Variants in UPF2 observed in about 807,000 individuals in gnomAD.
UPF2 encodes regulator of nonsense transcripts 2.
UPF2 carries 17 observed loss-of-function variants against 141.4 expected under a neutral mutation model. The observed-to-expected ratio is 0.12, with a 90% CI of 0.08 to 0.18. The LOEUF is 0.18. UPF2 is among the 10% of genes least tolerant of loss of function. UPF2 has a pLI of 1.00. For missense variants in UPF2, 1,152 were observed against 1,515.9 expected (o/e 0.76, Z 3.99); for synonymous variants, 540 against 498.0 (o/e 1.08, Z -1.12).
At chr10:12,034,320 TTA>T (rs1834579774) in intron 2 of UPF2, among the ~76,000 whole-genome samples, 1 of 151,338 alleles carries the variant, frequency 6.6e-6, no homozygotes, top group Non-Finnish European at 1.5e-5. Flanking sequence ...TTTTATTTTA[TTA>T]TTTTATTTTT....
chr10:11,983,692 T>C (rs111629510), intron 8 of UPF2, among the ~76,000 whole-genome samples: 5 of 152,216 alleles, frequency 3.3e-5, no homozygotes, highest in African/African-American at 9.6e-5. Flanking sequence ...ATTTTTAATA[T>C]ACTATGTATT....
At chr10:11,967,844 C>T (rs890281520) in intron 9 of UPF2, among the ~76,000 whole-genome samples, 2 of 152,064 alleles carry the variant, frequency 1.3e-5, no homozygotes, top group Admixed American at 6.6e-5. Flanking sequence ...CGTGAGCCAC[C>T]GTGCCCAGCC....
intron 9 of UPF2, among the ~76,000 whole-genome samples, chr10:11,970,851 C>A (rs959700659): frequency 6.6e-6 from 1 of 151,678 alleles, no homozygotes; most frequent in African/African-American, 2.4e-5. Flanking sequence ...AAACTATATA[C>A]TAAAACTAAG....
chr10:12,004,405 T>G (rs914971435), intron 5 of UPF2, 125 bp downstream of exon 5: 5 of 704,800 alleles, frequency 7.1e-6, no homozygotes, highest in Non-Finnish European at 6.8e-6. Context: ...ACTCATTTAC[T>G]CTAATGACTC....
intron 4 of UPF2, among the ~76,000 whole-genome samples, chr10:12,012,681 C>T (rs575379005): frequency 2.2e-3 from 338 of 151,988 alleles, no homozygotes; most frequent in Non-Finnish European, 4.0e-3. Context: ...TGCCTGTAGT[C>T]CCAGCTATTC....
intron 16 of UPF2, among the ~76,000 whole-genome samples, chr10:11,946,361 A>G (rs544043327): frequency 1.3e-5 from 2 of 152,320 alleles, no homozygotes; most frequent in South Asian, 4.1e-4. Context: ...ATTCTAAATA[A>G]AGCTTTTTAA....
chr10:12,027,851 G>C (rs1390903747), intron 3 of UPF2, among the ~76,000 whole-genome samples: 1 of 152,082 alleles, frequency 6.6e-6, no homozygotes, highest in Non-Finnish European at 1.5e-5. Flanking sequence ...AACTAGAAAA[G>C]GATCTCCTCC....
At chr10:11,948,603 G>A in intron 15 of UPF2, 95 bp from the exon 16 acceptor site, 1 of 1,313,920 alleles carries the variant, frequency 7.6e-7, no homozygotes, top group East Asian at 2.4e-5. Flanking sequence ...TATGCATTAA[G>A]AATTCAACAG....
Position 11,955,354 on chromosome 10 carries a change from G to C in UPF2, c.2728C>G (p.Leu910Val). 1 of 1,614,140 alleles carries C rather than the reference G, an allele frequency of 6.2e-7. No individual in the cohort carries two copies. Among genetic ancestry groups the C allele is most frequent in the Non-Finnish European group, 8.5e-7 (1 of 1,180,018 alleles). The change falls in exon 14 of 22, where the codon CTG becomes GTG. Residue 910 changes from leucine to valine, a missense_variant. Leu to Val is a conservative substitution (Grantham distance 32). Coordinates refer to ENST00000357604, the MANE Select transcript of UPF2 (RefSeq NM_015542.4). Reference sequence around the variant, plus strand: ...CTGAAAAGATGCTCAGGTGGGTCCAGGGAACTTGGAGAGCCATCAGGATTA... The same window carrying C: ...CTGAAAAGATGCTCAGGTGGGTCCACGGAACTTGGAGAGCCATCAGGATTA... Reference protein sequence around the residue: ...GVNPDGSPSSLDPPEHLFRIR... With the variant: ...GVNPDGSPSSVDPPEHLFRIR...
In UPF2 at chr10:11,955,406, A is replaced by G. The variant is rs764535001; in HGVS notation, c.2676T>C (p.Thr892=). The change falls in exon 14 of 22, where the codon ACT becomes ACC. Residue 892 remains threonine, a synonymous_variant. Coordinates refer to ENST00000357604, the MANE Select transcript of UPF2 (RefSeq NM_015542.4). ...RMVESAVIFR[T]LYSFTSFGVN... ...CACCAAATGAGGTAAAAGAATACAG[A>G]GTTCTGAAAATAACAGCTGATTCCA... is the stretch of plus-strand genomic sequence containing the variant. The G allele has an allele frequency of 6.2e-7, 1 of 1,614,194 alleles. No individual in the cohort carries two copies. Among genetic ancestry groups the G allele is most frequent in the East Asian group, 2.2e-5 (1 of 44,878 alleles).
At chr10:12,011,125 G>A (rs924914043) in intron 4 of UPF2, among the ~76,000 whole-genome samples, 1 of 152,252 alleles carries the variant, frequency 6.6e-6, no homozygotes, top group Middle Eastern at 3.4e-3. Flanking sequence ...AGGACTACAG[G>A]CTTGTGCCAC....
intron 4 of UPF2, among the ~76,000 whole-genome samples, chr10:12,005,764 T>A (rs1271692270): frequency 6.6e-6 from 1 of 152,012 alleles, no homozygotes; most frequent in Non-Finnish European, 1.5e-5. Flanking sequence ...AGAGATGGGG[T>A]TTCGCCATGT....
intron 21 of UPF2, among the ~76,000 whole-genome samples, chr10:11,928,906 T>G (rs567907852): frequency 1.3e-5 from 2 of 152,290 alleles, no homozygotes; most frequent in South Asian, 4.1e-4. Context: ...TCCCAGCACT[T>G]TGGGAGGCCA....
At chr10:12,008,629 C>CAAAAA (rs60750390) in intron 4 of UPF2, among the ~76,000 whole-genome samples, 1 of 74,972 alleles carries the variant, frequency 1.3e-5, no homozygotes, top group Non-Finnish European at 2.5e-5. Context: ...GACACCACCT[C>CAAAAA]AAAAAAAAAA....
At chr10:12,012,567 C>T (rs1022921139) in intron 4 of UPF2, among the ~76,000 whole-genome samples, 2 of 151,732 alleles carry the variant, frequency 1.3e-5, no homozygotes, top group Non-Finnish European at 2.9e-5. Flanking sequence ...CGGCCCACAG[C>T]CAATTCTCAA....
chr10:12,004,196 C>T (rs1293487385), intron 5 of UPF2, among the ~76,000 whole-genome samples: 1 of 152,136 alleles, frequency 6.6e-6, no homozygotes, highest in Non-Finnish European at 1.5e-5. Context: ...AGGTAATGAG[C>T]ATCATAGAGC....
rs1159503317 is a variant in UPF2, at chr10:11,997,739, T to C, written c.1777A>G (p.Met593Val). 1 of 1,613,870 alleles carries C rather than the reference T, an allele frequency of 6.2e-7. No homozygotes were observed. Among genetic ancestry groups the C allele is most frequent in the Non-Finnish European group, 8.5e-7 (1 of 1,179,864 alleles). ...LIDKAAMDFC[M>V]NMNTKANRKK... is the part of the protein sequence containing the mutation. ...CTGTTTGCTTTTGTGTTCATGTTCA[T>C]GCAAAAATCCATTGCTGCCTATTGG... The change falls in exon 8 of 22, where the codon ATG (methionine) becomes GTG (valine). Residue 593 changes from methionine to valine, a missense_variant. Met to Val is a conservative substitution (Grantham distance 21). Transcript: ENST00000357604.
In UPF2 at chr10:11,959,535, G is replaced by T. The variant is rs1052064702; in HGVS notation, c.2185-179C>A. ...AGCACTTTGGGAGACTGAGATTGCAGGATCACTTGAATCCAGGAGTTCAAG... is the reference window on the plus strand; with the variant it reads ...AGCACTTTGGGAGACTGAGATTGCATGATCACTTGAATCCAGGAGTTCAAG... On this transcript the variant is annotated intron_variant, in intron 11 of 21. Coordinates refer to ENST00000357604, the MANE Select transcript of UPF2 (RefSeq NM_015542.4). This position sits in a 1 kb window ranked among gnomAD's most constrained non-coding sequence, Gnocchi z 5.9. Among the ~76,000 whole-genome samples the T allele has an allele frequency of 4.7e-4, 72 of 152,144 alleles. No homozygotes were observed. The highest frequency in any genetic ancestry group is 1.7e-3 in the African/African-American group (70 of 41,436).
Position 11,956,417 on chromosome 10 carries a change from C to T in UPF2, c.2477G>A (p.Cys826Tyr). ...IWNVKYNSIH[C>Y]VANLLAGLVL... is the part of the protein sequence containing the mutation. ...TAGTCCTGCTAAGAGGTTGGCTACA[C>T]AATGAATACTATTATATTTCACATT... The change falls in exon 13 of 22, where the codon TGT becomes TAT. Residue 826 changes from cysteine (C) to tyrosine (Y), a missense_variant. Physicochemically the swap from Cys to Tyr is radical, Grantham distance 194. This residue lies in a region of UPF2 where 739 missense variants were observed against 1,032.2 expected (regional missense o/e 0.72). Transcript: ENST00000357604. The surrounding 1 kb of genome is among the most constrained non-coding windows in gnomAD (Gnocchi z 4.2). 6.2e-7 allele frequency: 1 copy of T among 1,614,154 alleles called. No homozygotes were observed. The highest frequency in any genetic ancestry group is 8.5e-7 in the Non-Finnish European group (1 of 1,180,006).
Sources: gnomAD v4.1 joint callset for allele counts (sites outside exome capture counted in the v4.1 genomes callset) on GRCh38, gnomAD v4.1.1 for gene constraint, gnomAD v4.1.1 regional missense constraint, Gnocchi (gnomAD v3.1) non-coding constraint, MANE v1.5 for transcripts, NCBI Gene and HGNC (gene_info 2026-07-23, HGNC 2026-07-21) for gene names.